Variants in HSF2BP observed in about 807,000 individuals in gnomAD.
HSF2BP encodes heat shock factor 2-binding protein.
HSF2BP carries 35 observed loss-of-function variants against 35.0 expected under a neutral mutation model. That is an observed-to-expected ratio of 1.00 (90% CI 0.76 to 1.32). HSF2BP has a LOEUF of 1.32. HSF2BP is among the 40% of genes most tolerant of loss of function. The pLI is 0.00. For missense variants in HSF2BP, 326 were observed against 321.7 expected (o/e 1.01, Z -0.10); for synonymous variants, 114 against 117.4 (o/e 0.97, Z 0.18).
intron 7 of HSF2BP, among the ~76,000 whole-genome samples, chr21:43,600,561 TAGAC>T (rs2082039642): frequency 6.6e-6 from 1 of 152,242 alleles, no homozygotes. Context: ...AATTTTTCAT[TAGAC>T]AGAGTACAGT....
At chr21:43,617,482 A>G (rs1159021446) in intron 6 of HSF2BP, among the ~76,000 whole-genome samples, 5 of 150,614 alleles carry the variant, frequency 3.3e-5, no homozygotes. Flanking sequence ...GCTTACTGAT[A>G]TTTAATCTAT....
intron 3 of HSF2BP, among the ~76,000 whole-genome samples, chr21:43,651,506 C>G (rs1395703020): frequency 6.6e-6 from 1 of 152,158 alleles, no homozygotes; most frequent in Non-Finnish European, 1.5e-5. Context: ...TTCTTCAAAC[C>G]TATCCTACAC....
At chr21:43,589,352 C>T (rs1197430118) in intron 8 of HSF2BP, among the ~76,000 whole-genome samples, 1 of 152,108 alleles carries the variant, frequency 6.6e-6, no homozygotes, top group African/African-American at 2.4e-5. Flanking sequence ...CCTTGTGTCT[C>T]GACAATATCT....
At chr21:43,593,157 C>T (rs1245500594) in intron 7 of HSF2BP, among the ~76,000 whole-genome samples, 1 of 152,192 alleles carries the variant, frequency 6.6e-6, no homozygotes, top group Admixed American at 6.5e-5. Context: ...GCTTCAGTTA[C>T]AGTGGCTTCA....
At chr21:43,506,149 C>T in the HSF2BP span, among the ~76,000 whole-genome samples, 1 of 131,356 alleles carries the variant, frequency 7.6e-6, no homozygotes, top group East Asian at 2.1e-4. Flanking sequence ...CAGAAAAGCA[C>T]CACTGGGGAG....
chr21:43,639,378 G>A (rs186874752), intron 4 of HSF2BP, among the ~76,000 whole-genome samples: 1 of 152,026 alleles, frequency 6.6e-6, no homozygotes, highest in Admixed American at 6.5e-5. Flanking sequence ...CAGACTGGGA[G>A]AAAAGACTTG....
chr21:43,601,984 T>C (rs945970855), intron 7 of HSF2BP, among the ~76,000 whole-genome samples: 6 of 152,214 alleles, frequency 3.9e-5, no homozygotes, highest in Non-Finnish European at 8.8e-5. Flanking sequence ...CCAATACTTA[T>C]GTGAAAAAGG....
At chr21:43,642,955 G>A (rs1303356725) in intron 4 of HSF2BP, among the ~76,000 whole-genome samples, 1 of 151,742 alleles carries the variant, frequency 6.6e-6, no homozygotes, top group South Asian at 2.1e-4. Context: ...CAAGCGAACC[G>A]CCCACCCTGG....
intron 8 of HSF2BP, among the ~76,000 whole-genome samples, chr21:43,588,141 G>T (rs1316890263): frequency 2.0e-5 from 3 of 152,196 alleles, no homozygotes; most frequent in Non-Finnish European, 4.4e-5. Flanking sequence ...ACTCCGAGAG[G>T]CCGAGGCGGG....
chr21:43,589,306 T>C (rs1284869462), intron 8 of HSF2BP, among the ~76,000 whole-genome samples: 1 of 152,172 alleles, frequency 6.6e-6, no homozygotes, highest in African/African-American at 2.4e-5. Flanking sequence ...GGAGGTCAGT[T>C]CCTCTGCTCT....
At chr21:43,625,252 T>C (rs1032655169) in intron 6 of HSF2BP, among the ~76,000 whole-genome samples, 1 of 151,630 alleles carries the variant, frequency 6.6e-6, no homozygotes, top group African/African-American at 2.4e-5. Context: ...AGCCAACCAA[T>C]CTGAAAAATG....
At chr21:43,578,952 T>G (rs1401975206) in intron 8 of HSF2BP, among the ~76,000 whole-genome samples, 1 of 151,954 alleles carries the variant, frequency 6.6e-6, no homozygotes, top group Non-Finnish European at 1.5e-5. Flanking sequence ...ATGTCAGGAC[T>G]TTGACAGGGC....
intron 4 of HSF2BP, among the ~76,000 whole-genome samples, chr21:43,643,326 T>C (rs2082664421): frequency 6.6e-6 from 1 of 152,086 alleles, no homozygotes; most frequent in African/African-American, 2.4e-5. Flanking sequence ...ATGTTGAAAT[T>C]TGATCCCCAA....
chr21:43,631,108 A>C (rs2082450467), intron 5 of HSF2BP, among the ~76,000 whole-genome samples: 1 of 152,238 alleles, frequency 6.6e-6, no homozygotes, highest in African/African-American at 2.4e-5. Context: ...AAATTTGCTA[A>C]AAACCACTAA....
In HSF2BP at chr21:43,656,665, G is replaced by A. The variant is rs370116321; in HGVS notation, c.109C>T (p.Gln37Ter). The change falls in exon 3 of 9, where the codon CAA (glutamine) becomes TAA (stop). Residue 37 changes from glutamine (Q) to a stop codon, truncating the protein, a stop_gained. Coordinates refer to ENST00000291560, the MANE Select transcript of HSF2BP (RefSeq NM_007031.2). LOFTEE classifies it high-confidence loss of function. ...ATTCTGGGTAAGAAGTCCCGTATTT[G>A]CATCACTTCAGTTGTCAGCCGTTCC... The part of the protein sequence containing the change: ...DLERLTTEVM[Q>*]IRDFLPRILN... 1.2e-6 allele frequency: 2 copies of A among 1,613,546 alleles called. No homozygotes were observed. The highest frequency in any genetic ancestry group is 8.5e-7 in the Non-Finnish European group (1 of 1,179,652).
intron 3 of HSF2BP, among the ~76,000 whole-genome samples, chr21:43,654,330 G>A (rs1345638510): frequency 2.0e-5 from 3 of 152,312 alleles, no homozygotes; most frequent in African/African-American, 7.2e-5. Flanking sequence ...TCCAGCTACT[G>A]CAGAGCTTCA....
At chr21:43,506,101 G>A in the HSF2BP span, among the ~76,000 whole-genome samples, 4 of 133,250 alleles carry the variant, frequency 3.0e-5, no homozygotes, top group South Asian at 9.4e-4. Flanking sequence ...CACTCCTGCC[G>A]AGTGTGCCGG....
intron 3 of HSF2BP, among the ~76,000 whole-genome samples, chr21:43,654,056 TC>T (rs1193391739): frequency 6.6e-5 from 10 of 151,486 alleles, no homozygotes; most frequent in Non-Finnish European, 1.5e-4. Flanking sequence ...CAAAAGTCTG[TC>T]CTGACTTCTG....
chr21:43,654,113 C>T (rs1425989122), intron 3 of HSF2BP, among the ~76,000 whole-genome samples: 1 of 152,028 alleles, frequency 6.6e-6, no homozygotes, highest in Non-Finnish European at 1.5e-5. Context: ...GCCAAGTTAA[C>T]AGAAAATATC....
Sources: gnomAD v4.1 joint callset for allele counts (sites outside exome capture counted in the v4.1 genomes callset) on GRCh38, gnomAD v4.1.1 for gene constraint, MANE v1.5 for transcripts, NCBI Gene and HGNC (gene_info 2026-07-23, HGNC 2026-07-21) for gene names.